TRPS1: variants seen among roughly 807,000 people sequenced by gnomAD.
The protein encoded by TRPS1 is zinc finger transcription factor Trps1.
Under a neutral mutation model 101.2 loss-of-function variants are expected in TRPS1, and 6 were observed. The ratio of observed to expected loss-of-function variants is 0.06; its 90% confidence interval spans 0.03 to 0.12. The LOEUF (loss-of-function observed/expected upper bound fraction) is 0.12. Among genes scored for constraint, TRPS1 ranks in the 10% least tolerant of loss-of-function variants. TRPS1 has a pLI of 1.00. For missense variants in TRPS1, 1,363 were observed against 1,567.0 expected (o/e 0.87, Z 2.20); for synonymous variants, 578 against 589.8 (o/e 0.98, Z 0.29).
intron 1 of TRPS1, among the ~76,000 whole-genome samples, chr8:115,663,897 CTT>C (rs1191181235): frequency 6.6e-6 from 1 of 152,056 alleles, no homozygotes; most frequent in Middle Eastern, 3.4e-3. Context: ...TCAAAGATCT[CTT>C]TCTAACCAAA....
chr8:115,422,773 G>C (rs1010664452), intron 5 of TRPS1, among the ~76,000 whole-genome samples: 2 of 152,264 alleles, frequency 1.3e-5, no homozygotes, highest in Middle Eastern at 3.4e-3. Context: ...GGTTCTATCT[G>C]TGTCTGTTTA....
At chr8:115,465,241 T>C (rs1814288445) in intron 5 of TRPS1, among the ~76,000 whole-genome samples, 1 of 152,128 alleles carries the variant, frequency 6.6e-6, no homozygotes, top group African/African-American at 2.4e-5. Context: ...CAGGGTAATA[T>C]TTCAAAAAGC....
intron 4 of TRPS1, among the ~76,000 whole-genome samples, chr8:115,589,344 C>G (rs1817633669): frequency 6.6e-6 from 1 of 152,038 alleles, no homozygotes; most frequent in South Asian, 2.1e-4. Flanking sequence ...TAACTTCATT[C>G]CTTTATAAGA....
At chr8:115,499,929 T>G (rs1034572109) in intron 5 of TRPS1, among the ~76,000 whole-genome samples, 2 of 95,428 alleles carry the variant, frequency 2.1e-5, no homozygotes, top group Non-Finnish European at 2.1e-5. Context: ...CTTTCTTTCT[T>G]TCTTTCTTTC....
At chr8:115,520,732 G>A (rs554426583) in intron 5 of TRPS1, among the ~76,000 whole-genome samples, 46 of 149,620 alleles carry the variant, frequency 3.1e-4, no homozygotes, top group African/African-American at 1.1e-3. Flanking sequence ...AAAGTTCTTA[G>A]ACTTCTGTGA....
chr8:115,489,766 A>T (rs969086897), intron 5 of TRPS1, among the ~76,000 whole-genome samples: 25 of 152,130 alleles, frequency 1.6e-4, no homozygotes, highest in Admixed American at 2.0e-4. Context: ...TTTAAAATTA[A>T]GGCTTTCTGA....
chr8:115,532,368 T>C (rs894975019), intron 5 of TRPS1, among the ~76,000 whole-genome samples: 5 of 152,118 alleles, frequency 3.3e-5, no homozygotes, highest in African/African-American at 1.2e-4. Context: ...TTCAGGCATA[T>C]TGCAGTAAAT....
At chr8:115,483,356 A>T (rs961449158) in intron 5 of TRPS1, among the ~76,000 whole-genome samples, 20 of 151,492 alleles carry the variant, frequency 1.3e-4, no homozygotes, top group Non-Finnish European at 1.5e-5. Context: ...ACATGGTGAG[A>T]CCCCATCTCT....
intron 5 of TRPS1, among the ~76,000 whole-genome samples, chr8:115,475,035 G>A (rs1814565468): frequency 6.6e-6 from 1 of 151,862 alleles, no homozygotes; most frequent in Non-Finnish European, 1.5e-5. Flanking sequence ...AATATTTACT[G>A]CAGGACTTTT....
In TRPS1 at chr8:115,630,553, C is replaced by T. The variant is rs1818616410; in HGVS notation, c.-121-6795G>A. Among the ~76,000 whole-genome samples the T allele has an allele frequency of 6.6e-5, 10 of 151,730 alleles. 1 individual carries two copies. The South Asian group carries it at 2.1e-3, about 32-fold the overall frequency. On this transcript the variant is annotated intron_variant, in intron 1 of 6. Transcript: ENST00000395715. ...AATTTAATTGAATGTTGAAAGAAACCAAAAGTCAGAGGTAGGTTTTTTTAA... is the reference window on the plus strand; with the variant it reads ...AATTTAATTGAATGTTGAAAGAAACTAAAAGTCAGAGGTAGGTTTTTTTAA...
At chr8:115,609,867 C>T (rs1373715721) in intron 3 of TRPS1, among the ~76,000 whole-genome samples, 1 of 152,168 alleles carries the variant, frequency 6.6e-6, no homozygotes, top group Non-Finnish European at 1.5e-5. Flanking sequence ...TTTTTACACA[C>T]ACACAAAAAT....
chr8:115,589,667 C>T (rs6469605), intron 4 of TRPS1, among the ~76,000 whole-genome samples: 105,803 of 151,586 alleles, frequency 0.7, 38,341 homozygotes, highest in African/African-American at 0.9. Context: ...TAACCTTTAA[C>T]GTGAAGACGA....
chr8:115,429,800 C>G (rs1813276176), intron 5 of TRPS1, among the ~76,000 whole-genome samples: 1 of 152,100 alleles, frequency 6.6e-6, no homozygotes, highest in Non-Finnish European at 1.5e-5. Context: ...CATTATTTTT[C>G]CTCTAGATGA....
At chr8:115,426,677 A>G (rs749971827) in intron 5 of TRPS1, among the ~76,000 whole-genome samples, 11 of 152,106 alleles carry the variant, frequency 7.2e-5, no homozygotes, top group Non-Finnish European at 1.3e-4. Flanking sequence ...AATGTATGAC[A>G]CTCTCCAGAA....
chr8:115,441,128 C>T (rs1189689818), intron 5 of TRPS1, among the ~76,000 whole-genome samples: 4 of 152,200 alleles, frequency 2.6e-5, no homozygotes, highest in Non-Finnish European at 5.9e-5. Flanking sequence ...TTTCTAACTT[C>T]ACATAGCTTT....
chr8:115,537,411 G>A (rs1816348901), intron 5 of TRPS1, among the ~76,000 whole-genome samples: 1 of 152,016 alleles, frequency 6.6e-6, no homozygotes, highest in African/African-American at 2.4e-5. Context: ...CTTACCTACA[G>A]AGGACTATAA....
chr8:115,466,690 C>T (rs1025788764), intron 5 of TRPS1, among the ~76,000 whole-genome samples: 1 of 152,114 alleles, frequency 6.6e-6, no homozygotes, highest in Non-Finnish European at 1.5e-5. Flanking sequence ...AATTAACACA[C>T]AGCCATTTGA....
intron 5 of TRPS1, among the ~76,000 whole-genome samples, chr8:115,538,489 T>G (rs1816375353): frequency 6.6e-6 from 1 of 152,134 alleles, no homozygotes; most frequent in East Asian, 1.9e-4. Flanking sequence ...TGGACATTTT[T>G]TGCCTTATAT....
chr8:115,433,337 G>A (rs77533707), intron 5 of TRPS1, among the ~76,000 whole-genome samples: 8,805 of 151,844 alleles, frequency 0.058, 902 homozygotes, highest in African/African-American at 0.2. Context: ...AATTCTCTAA[G>A]TTTCTTACAG....
Sources: allele counts gnomAD v4.1 joint callset (sites outside exome capture counted in the v4.1 genomes callset), GRCh38; gene constraint gnomAD v4.1.1; transcripts MANE v1.5; gene names NCBI Gene and HGNC (gene_info 2026-07-23, HGNC 2026-07-21).